BICRA: variants seen among roughly 807,000 people sequenced by gnomAD.
The protein encoded by BICRA is BRD4-interacting chromatin-remodeling complex-associated protein.
BICRA carries 31 observed loss-of-function variants against 96.9 expected under a neutral mutation model. That is an observed-to-expected ratio of 0.32 (90% confidence interval 0.24 to 0.43). The LOEUF is 0.43. Ranked by LOEUF, BICRA falls within the 20% of genes least tolerant of loss-of-function variation. The pLI is 1.00. For missense variants in BICRA, 2,283 were observed against 2,190.3 expected, an observed-to-expected ratio of 1.04 and a Z score of -0.84; for synonymous variants, 1,350 against 1,071.8, an observed-to-expected ratio of 1.26 and a Z score of -5.07.
At chr19:47,668,793 C>G (rs1972821272) in intron 1 of BICRA, among the ~76,000 whole-genome samples, 1 of 151,980 alleles carries the variant, frequency 6.6e-6, no homozygotes, top group African/African-American at 2.4e-5. Flanking sequence ...GCCCGGCTGT[C>G]TTTGTGCTTC....
chr19:47,620,021 A>G (rs918215985), intron 1 of BICRA, among the ~76,000 whole-genome samples: 5 of 152,150 alleles, frequency 3.3e-5, no homozygotes, highest in Non-Finnish European at 7.4e-5. Context: ...TGCCTCTTCT[A>G]GAATTTCACA....
In BICRA at chr19:47,657,414, T is replaced by G. The variant is rs188176144; in HGVS notation, c.-107-13029T>G. Among the ~76,000 whole-genome samples the G allele has an allele frequency of 3.1e-3, 463 of 151,754 alleles. 1 individual carries two copies. The highest frequency in any genetic ancestry group is 0.011 in the African/African-American group (447 of 41,362). On this transcript the variant is annotated intron_variant, in intron 1 of 14. Transcript: ENST00000594866. ...CTGCTGTGAAATTTTTTTTTTTTTT[T>G]GAGACGGAGTCTTGCTCTGTCGCCC...
chr19:47,650,124 TTTG>T (rs1197607710), intron 1 of BICRA, among the ~76,000 whole-genome samples: 1 of 151,032 alleles, frequency 6.6e-6, no homozygotes, highest in African/African-American at 2.5e-5. Flanking sequence ...GGCTAATTTT[TTTG>T]TTTGTTTGTT....
chr19:47,640,407 G>A (rs1348329998), intron 1 of BICRA, among the ~76,000 whole-genome samples: 2 of 152,034 alleles, frequency 1.3e-5, no homozygotes, highest in African/African-American at 4.8e-5. Flanking sequence ...GTGTGTGCCT[G>A]TAATCCCAGC....
Position 47,680,955 on chromosome 19 carries a change from G to A in BICRA, c.1785G>A (p.Met595Ile). The A allele has an allele frequency of 6.7e-7, 1 of 1,481,746 alleles. No homozygotes were observed. Among genetic ancestry groups the A allele is most frequent in the Non-Finnish European group, 8.9e-7 (1 of 1,125,948 alleles). The allele number at this position is 1,481,746 out of a possible 1,614,324, so 91.8% of individuals were successfully genotyped here. A position where few individuals can be genotyped will look rare whatever the true frequency, so the allele number is the denominator to read the frequency against. The change falls in exon 6 of 15, where the codon ATG becomes ATA. Residue 595 changes from methionine to isoleucine, a missense_variant. By Grantham distance (10) the Met-to-Ile change is conservative. Transcript: ENST00000594866. ...CCCTGCCCCCCAGCGCCGTGGCCAT[G>A]CTCAACACCCCCGACGGCCTGGTGC... ...GVTLPPSAVA[M>I]LNTPDGLVQP...
rs1249561767 is a variant in BICRA at position 47,675,560 on chromosome 19, G to T, written c.85-291G>T. On this transcript the variant is annotated intron_variant, in intron 4 of 14. Coordinates refer to ENST00000594866, the MANE Select transcript of BICRA (RefSeq NM_001394372.1). The surrounding 1 kb of genome is among the most constrained non-coding windows in gnomAD (Gnocchi z 4.7). ...GACTGGGGGGCAGTGGCAGGGCGCA[G>T]CTTGGGCAGAGGCGTGAAGGCAGGA... Among the ~76,000 whole-genome samples, 1 of 152,204 alleles carries T rather than the reference G, an allele frequency of 6.6e-6. No homozygotes were observed. The highest frequency in any genetic ancestry group is 1.5e-5 in the Non-Finnish European group (1 of 68,034).
In BICRA at chr19:47,679,850, C is replaced by A. The variant is rs1339590504; in HGVS notation, c.680C>A (p.Ala227Glu). 1 of 1,492,710 alleles carries A rather than the reference C, an allele frequency of 6.7e-7. No homozygotes were observed. The highest frequency in any genetic ancestry group is 8.9e-7 in the Non-Finnish European group (1 of 1,127,426). The allele number at this position is 1,492,710 out of a possible 1,614,324, so 92.5% of individuals were successfully genotyped here. ...LPNGSPGGAT[A>E]ATLGLAPIQV... Reference sequence around the variant, plus strand: ...AATGGCAGCCCTGGGGGTGCCACGGCGGCCACACTGGGCCTGGCGCCCATC... The same window carrying A: ...AATGGCAGCCCTGGGGGTGCCACGGAGGCCACACTGGGCCTGGCGCCCATC... The change falls in exon 6 of 15, where the codon GCG (alanine) becomes GAG (glutamate). Residue 227 changes from alanine to glutamate, a missense_variant. Transcript: ENST00000594866.
chr19:47,623,689 C>T (rs1972097898), intron 1 of BICRA, among the ~76,000 whole-genome samples: 1 of 152,082 alleles, frequency 6.6e-6, no homozygotes, highest in Non-Finnish European at 1.5e-5. Flanking sequence ...CTGGGGAGGT[C>T]AGGCGGGGAG....
chr19:47,687,927 C>T lies in BICRA; in HGVS notation c.2283+5775C>T, dbSNP rs1177751730. Among the ~76,000 whole-genome samples the T allele has an allele frequency of 2.6e-5, 4 of 151,932 alleles. No individual in the cohort carries two copies. In the South Asian group the frequency reaches 6.2e-4, roughly 24 times the overall value. On this transcript the variant is annotated intron_variant, in intron 7 of 14. Transcript: ENST00000594866. Reference sequence around the variant, plus strand: ...TTGCCAGACGTAGATGATAAGCTTTCCAGCCATTTTGTGGAAAGTGCTAAA... The same window carrying T: ...TTGCCAGACGTAGATGATAAGCTTTTCAGCCATTTTGTGGAAAGTGCTAAA...
intron 7 of BICRA, among the ~76,000 whole-genome samples, chr19:47,687,357 T>C (rs1973174691): frequency 6.6e-6 from 1 of 152,228 alleles, no homozygotes; most frequent in East Asian, 1.9e-4. Flanking sequence ...AAAATTATTC[T>C]TGGCTTGTGG....
intron 7 of BICRA, among the ~76,000 whole-genome samples, chr19:47,692,129 G>T (rs113148388): frequency 6.6e-6 from 1 of 152,016 alleles, no homozygotes; most frequent in Non-Finnish European, 1.5e-5. Context: ...TCTTTTCTCC[G>T]ACTCAGCGAC....
In BICRA at chr19:47,702,541, T is replaced by G. The variant is rs1330681466; in HGVS notation, c.*126T>G. ...GACGGTTTTTCTTGCCTAAGTTATTTGAGTCACAAAGGCCTCCTTCCCTGC... is the reference window on the plus strand; with the variant it reads ...GACGGTTTTTCTTGCCTAAGTTATTGGAGTCACAAAGGCCTCCTTCCCTGC... On this transcript the variant is annotated 3_prime_UTR_variant, in exon 15 of 15. Coordinates refer to ENST00000594866, the MANE Select transcript of BICRA (RefSeq NM_001394372.1). 8.5e-7 allele frequency: 1 copy of G among 1,177,466 alleles called. No homozygotes were observed. Among genetic ancestry groups the G allele is most frequent in the Non-Finnish European group, 1.1e-6 (1 of 894,030 alleles). 72.9% of individuals were successfully genotyped at this position (1,177,466 alleles called of 1,614,324 possible).
At chr19:47,691,781 A>C (rs1395917462) in intron 7 of BICRA, among the ~76,000 whole-genome samples, 1 of 152,102 alleles carries the variant, frequency 6.6e-6, no homozygotes, top group East Asian at 1.9e-4. Flanking sequence ...GGCTGGTCTC[A>C]AACTCCTGGG....
chr19:47,626,721 T>G (rs1345767747), intron 1 of BICRA, among the ~76,000 whole-genome samples: 5 of 141,436 alleles, frequency 3.5e-5, no homozygotes, highest in South Asian at 2.3e-4. Context: ...TCCTGGGTTT[T>G]TTTTTTTTTT....
In BICRA at chr19:47,702,438, C is replaced by A. The variant is rs553851089; in HGVS notation, c.*23C>A. The stretch of plus-strand genomic sequence containing the variant: ...TAACACCGGGCCGCCTCCCCTTCCC[C>A]GTCCCCTCCTCCCGAAGACGCCGGG... On this transcript the variant is annotated 3_prime_UTR_variant, in exon 15 of 15. Transcript: ENST00000594866. The A allele has an allele frequency of 1.7e-5, 25 of 1,458,804 alleles. No homozygotes were observed. Among genetic ancestry groups the A allele is most frequent in the East Asian group, 1.4e-4 (5 of 35,594 alleles). The allele number at this position is 1,458,804 out of a possible 1,614,324, so 90.4% of individuals were successfully genotyped here. A position where few individuals can be genotyped will look rare whatever the true frequency, so the allele number is the denominator to read the frequency against.
rs150973854 is a variant in BICRA at position 47,674,630 on chromosome 19, C to T, written c.84+868C>T. On this transcript the variant is annotated intron_variant, in intron 4 of 14. Coordinates refer to ENST00000594866, the MANE Select transcript of BICRA (RefSeq NM_001394372.1). ...CATGAGGTTGCAGTCAAGCTGTAGG[C>T]TGGGGCTGCAGTCATCCAAAGGTTT... Among the ~76,000 whole-genome samples, 592 of 152,294 alleles carry T rather than the reference C, an allele frequency of 3.9e-3. 1 individual carries two copies. Among genetic ancestry groups the T allele is most frequent in the Non-Finnish European group, 4.1e-3 (278 of 68,018 alleles).
intron 11 of BICRA, 133 bp downstream of exon 11, chr19:47,696,645 T>A: frequency 1.3e-6 from 1 of 751,272 alleles, no homozygotes; most frequent in African/African-American, 1.8e-5. Context: ...GGTAGCGATG[T>A]AGTTCCCTCA....
intron 1 of BICRA, among the ~76,000 whole-genome samples, chr19:47,659,822 T>G (rs1173078672): frequency 1.3e-5 from 2 of 151,980 alleles, no homozygotes; most frequent in African/African-American, 4.8e-5. Flanking sequence ...TGATCTTGGC[T>G]CACCACAGCC....
chr19:47,639,388 G>A (rs977836160), intron 1 of BICRA, among the ~76,000 whole-genome samples: 2 of 142,426 alleles, frequency 1.4e-5, no homozygotes, highest in African/African-American at 2.7e-5. Flanking sequence ...GTCCAGTGGT[G>A]CGATCTTGGC....
Sources: gnomAD v4.1 joint callset for allele counts (sites outside exome capture counted in the v4.1 genomes callset) on GRCh38, gnomAD v4.1.1 for gene constraint, Gnocchi (gnomAD v3.1) non-coding constraint, MANE v1.5 for transcripts, NCBI Gene and HGNC (gene_info 2026-07-23, HGNC 2026-07-21) for gene names.